ZNF696: variants seen among roughly 807,000 people sequenced by gnomAD.
ZNF696 encodes the protein zinc finger protein 696.
ZNF696 carries 10 observed loss-of-function variants against 12.3 expected under a neutral mutation model. The observed-to-expected ratio is 0.81, with a 90% CI of 0.50 to 1.38. The LOEUF is 1.38. Among genes scored for constraint, ZNF696 ranks in the 40% most tolerant of loss-of-function variants. The pLI is 0.00. For missense variants in ZNF696, 675 were observed against 554.7 expected, an observed-to-expected ratio of 1.22 and a Z score of -2.18; for synonymous variants, 304 against 243.9, an observed-to-expected ratio of 1.25 and a Z score of -2.29.
Position 143,296,578 on chromosome 8 carries a change from C to T in ZNF696, c.903C>T (p.Ala301=). ...TCGCCTGCCAGGACTGCGGCCGCGC[C>T]TTCAGCCGCAGCTCCTTCCTCCGCG... ...RPFACQDCGR[A]FSRSSFLREH... is the part of the protein sequence containing the mutation. Residue 301 remains alanine, a synonymous_variant, in exon 3 of 3, where the codon GCC becomes GCT. Transcript: ENST00000330143. The T allele has an allele frequency of 6.3e-7, 1 of 1,593,758 alleles. No individual in the cohort carries two copies. The highest frequency in any genetic ancestry group is 8.5e-7 in the Non-Finnish European group (1 of 1,174,968).
At position 143,296,230 on chromosome 8, in the gene ZNF696, G is replaced by C. The variant is rs569378410; in HGVS notation, c.555G>C (p.Glu185Asp). 1.9e-6 allele frequency: 3 copies of C among 1,595,388 alleles called. No homozygotes were observed. The highest frequency in any genetic ancestry group is 1.3e-5 in the African/African-American group (1 of 74,450). Residue 185 changes from glutamate to aspartate, a missense_variant, in exon 3 of 3, where the codon GAG (glutamate) becomes GAC (aspartate). Glu to Asp is a conservative substitution (Grantham distance 45). Transcript: ENST00000330143. Reference sequence around the variant, plus strand: ...GGGAGAGGCCCTACGCGTGCGCCGAGTGCGGCAAGGCCTTCGGCCAGAGCT... The same window carrying C: ...GGGAGAGGCCCTACGCGTGCGCCGACTGCGGCAAGGCCTTCGGCCAGAGCT... ...HSGERPYACA[E>D]CGKAFGQSFN... is the part of the protein sequence containing the mutation.
In ZNF696 at chr8:143,296,613, G is replaced by A; in HGVS notation, c.938G>A (p.Arg313His). 6.3e-7 allele frequency: 1 copy of A among 1,586,100 alleles called. No individual in the cohort carries two copies. Among genetic ancestry groups the A allele is most frequent in the African/African-American group, 1.3e-5 (1 of 74,372 alleles). Reference sequence around the variant, plus strand: ...AGCTCCTTCCTCCGCGAGCACCGCCGCATCCACACCGGGGAGAAGCCCCAC... The same window carrying A: ...AGCTCCTTCCTCCGCGAGCACCGCCACATCCACACCGGGGAGAAGCCCCAC... ...SRSSFLREHR[R>H]IHTGEKPHQC... Residue 313 changes from arginine to histidine, a missense_variant, in exon 3 of 3, where the codon CGC becomes CAC. Coordinates refer to ENST00000330143, the MANE Select transcript of ZNF696 (RefSeq NM_030895.3).
intron 2 of ZNF696, among the ~76,000 whole-genome samples, chr8:143,293,629 A>G (rs1815661013): frequency 6.6e-6 from 1 of 152,230 alleles, no homozygotes; most frequent in Non-Finnish European, 1.5e-5. Context: ...GATTGCCTCC[A>G]TCGGAAAGGC....
Position 143,296,897 on chromosome 8 carries a change from C to G in ZNF696, c.*97C>G. The G allele has an allele frequency of 8.6e-7, 1 of 1,162,040 alleles. No individual in the cohort carries two copies. The highest frequency in any genetic ancestry group is 4.1e-5 in the Admixed American group (1 of 24,154). 72.0% of individuals were successfully genotyped at this position (1,162,040 alleles called of 1,614,324 possible). A position where few individuals can be genotyped will look rare whatever the true frequency, so the allele number is the denominator to read the frequency against. On this transcript the variant is annotated 3_prime_UTR_variant, in exon 3 of 3. Coordinates refer to ENST00000330143, the MANE Select transcript of ZNF696 (RefSeq NM_030895.3). ...CGCCCCGTGCGCGGTGAGGAAGTAA[C>G]AGCCGGCTGCGCGCCTGGTTCTCGG...
chr8:143,293,049 G>A lies in ZNF696; in HGVS notation c.48G>A (p.Leu16=), dbSNP rs1563743462. The change falls in exon 2 of 3, where the codon CTG becomes CTA. Residue 16 remains leucine (L), a synonymous_variant. Transcript: ENST00000330143. The part of the protein sequence containing the change: ...EPTGAKESST[L]MESLAAVKAA... The stretch of plus-strand genomic sequence containing the variant: ...CAGGTGCTAAAGAGAGCAGTACCCT[G>A]ATGGAGTCCCTTGCAGGTGAGGGGA... 2 of 1,614,018 alleles carry A rather than the reference G, an allele frequency of 1.2e-6. No homozygotes were observed. The highest frequency in any genetic ancestry group is 2.2e-5 in the South Asian group (2 of 91,050).
chr8:143,292,913 C>A, intron 1 of ZNF696, 59 bp from the exon 2 acceptor site: 2 of 1,472,622 alleles, frequency 1.4e-6, no homozygotes, highest in East Asian at 2.4e-5. Flanking sequence ...CCTCACTGCC[C>A]CTGGCCCCTG....
Position 143,296,190 on chromosome 8 carries a change from A to C in ZNF696, c.515A>C (p.Gln172Pro), listed in dbSNP as rs536397793. The C allele has an allele frequency of 1.6e-5, 26 of 1,599,830 alleles. No individual in the cohort carries two copies. The South Asian group carries it at 2.0e-4, about 12-fold the overall frequency. ...FIHSSHVVRH[Q>P]RAHSGERPYA... ...CACAGCTCGCACGTGGTCCGGCACCAGCGGGCGCACAGCGGGGAGAGGCCC... is the reference window on the plus strand; with the variant it reads ...CACAGCTCGCACGTGGTCCGGCACCCGCGGGCGCACAGCGGGGAGAGGCCC... Residue 172 changes from glutamine (Q) to proline (P), a missense_variant, in exon 3 of 3, where the codon CAG becomes CCG. By Grantham distance (76) the Gln-to-Pro change is moderately conservative. Coordinates refer to ENST00000330143, the MANE Select transcript of ZNF696 (RefSeq NM_030895.3).
In ZNF696 at chr8:143,296,733, A is replaced by C. The variant is rs1420867631; in HGVS notation, c.1058A>C (p.Glu353Ala). The C allele has an allele frequency of 6.6e-7, 1 of 1,518,474 alleles. No homozygotes were observed. The highest frequency in any genetic ancestry group is 8.7e-7 in the Non-Finnish European group (1 of 1,143,358). The allele number at this position is 1,518,474 out of a possible 1,614,324, so 94.1% of individuals were successfully genotyped here. Residue 353 changes from glutamate (E) to alanine (A), a missense_variant, in exon 3 of 3, where the codon GAG becomes GCG. Coordinates refer to ENST00000330143, the MANE Select transcript of ZNF696 (RefSeq NM_030895.3). ...GGCGAGAAGCCGTTCCGCTGCACCGAGTGCGGCCGCGCCTTCCGCCTGAGC... is the reference window on the plus strand; with the variant it reads ...GGCGAGAAGCCGTTCCGCTGCACCGCGTGCGGCCGCGCCTTCCGCCTGAGC... The part of the protein sequence containing the change: ...HTGEKPFRCT[E>A]CGRAFRLSFH...
chr8:143,294,372 C>T (rs1426443776), intron 2 of ZNF696, among the ~76,000 whole-genome samples: 8 of 149,958 alleles, frequency 5.3e-5, no homozygotes, highest in Admixed American at 4.1e-4. Context: ...AGCTCTTGTT[C>T]CGGATTTCTT....
intron 1 of ZNF696, 36 bp from the exon 2 acceptor site, chr8:143,292,936 G>A: frequency 6.4e-7 from 1 of 1,574,012 alleles, no homozygotes; most frequent in East Asian, 2.3e-5. Context: ...CCTAGCCCTG[G>A]CTGTGATTTA....
chr8:143,299,461 T>C lies in ZNF696; in HGVS notation c.*2661T>C, dbSNP rs936919519. ...ACCAGTCTATACATCTCTAATCCAA[T>C]AAAAAGAATAAAACACTGTGATTTA... On this transcript the variant is annotated 3_prime_UTR_variant, in exon 3 of 3. Transcript: ENST00000330143. Among the ~76,000 whole-genome samples the C allele has an allele frequency of 2.0e-5, 3 of 151,956 alleles. No homozygotes were observed. The highest frequency in any genetic ancestry group is 2.0e-4 in the Admixed American group (3 of 15,250).
chr8:143,291,755 C>G lies in ZNF696; in HGVS notation c.-43C>G. On this transcript the variant is annotated 5_prime_UTR_variant, in exon 1 of 3. Coordinates refer to ENST00000330143, the MANE Select transcript of ZNF696 (RefSeq NM_030895.3). Reference sequence around the variant, plus strand: ...AGCTGTGAACAGGAGGGCCTGTTCCCTAATTCTTGCCGGTAAGGTACTTGC... The same window carrying G: ...AGCTGTGAACAGGAGGGCCTGTTCCGTAATTCTTGCCGGTAAGGTACTTGC... The G allele has an allele frequency of 2.0e-6, 2 of 985,480 alleles. No individual in the cohort carries two copies. The highest frequency in any genetic ancestry group is 2.4e-6 in the Non-Finnish European group (2 of 829,936). The allele number at this position is 985,480 out of a possible 1,614,324, so 61.0% of individuals were successfully genotyped here.
In ZNF696 at chr8:143,298,911, A is replaced by G. The variant is rs1272436283; in HGVS notation, c.*2111A>G. 6.6e-6 allele frequency among the ~76,000 whole-genome samples: 1 copy of G among 152,218 alleles called. No individual in the cohort carries two copies. The highest frequency in any genetic ancestry group is 1.5e-5 in the Non-Finnish European group (1 of 68,040). On this transcript the variant is annotated 3_prime_UTR_variant, in exon 3 of 3. Coordinates refer to ENST00000330143, the MANE Select transcript of ZNF696 (RefSeq NM_030895.3). The stretch of plus-strand genomic sequence containing the variant: ...CACGGTGGCTCACGCCTGTAATTCC[A>G]GCACTTTGGGAGGCTGAGGCAGTGG...
chr8:143,294,974 G>C (rs567643652), intron 2 of ZNF696, among the ~76,000 whole-genome samples: 2 of 152,084 alleles, frequency 1.3e-5, no homozygotes, highest in Non-Finnish European at 2.9e-5. Context: ...CTGGAGGTGC[G>C]CCACCTACTT....
chr8:143,297,965 T>G lies in ZNF696; in HGVS notation c.*1165T>G, dbSNP rs1457933627. 2 of 152,228 alleles carry G rather than the reference T, an allele frequency of 1.3e-5. No homozygotes were observed. The highest frequency in any genetic ancestry group is 2.9e-5 in the Non-Finnish European group (2 of 68,054). The allele number at this position is 152,228 out of a possible 1,614,324, so 9.4% of individuals were successfully genotyped here. ...ACAAATGTTATTTCCTGTAAAATAT[T>G]TTCATTTTTTAAAATGTTATTTTCT... is the stretch of plus-strand genomic sequence containing the variant. On this transcript the variant is annotated 3_prime_UTR_variant, in exon 3 of 3. Transcript: ENST00000330143.
Position 143,296,794 on chromosome 8 carries a change from C to A in ZNF696, c.1119C>A (p.Ala373=). 7.1e-7 allele frequency: 1 copy of A among 1,406,260 alleles called. No individual in the cohort carries two copies. Among genetic ancestry groups the A allele is most frequent in the Non-Finnish European group, 9.2e-7 (1 of 1,087,920 alleles). The allele number at this position is 1,406,260 out of a possible 1,614,324, so 87.1% of individuals were successfully genotyped here. A position where few individuals can be genotyped will look rare whatever the true frequency, so the allele number is the denominator to read the frequency against. Residue 373 remains alanine (A), a synonymous_variant, in exon 3 of 3, where the codon GCC becomes GCA. Transcript: ENST00000330143. The part of the protein sequence containing the change: ...HLIQHRRVHG[A]E ...TCCAGCACCGGCGGGTGCATGGCGC[C>A]GAGTGAGCCGGGGCTGCGGCGGAAG...
In ZNF696 at chr8:143,297,152, T is replaced by A; in HGVS notation, c.*352T>A. 6.1e-6 allele frequency: 1 copy of A among 163,374 alleles called. No individual in the cohort carries two copies. Among genetic ancestry groups the A allele is most frequent in the Non-Finnish European group, 1.3e-5 (1 of 78,058 alleles). The allele number at this position is 163,374 out of a possible 1,614,324, so 10.1% of individuals were successfully genotyped here. A position where few individuals can be genotyped will look rare whatever the true frequency, so the allele number is the denominator to read the frequency against. On this transcript the variant is annotated 3_prime_UTR_variant, in exon 3 of 3. Transcript: ENST00000330143. The stretch of plus-strand genomic sequence containing the variant: ...TCGGTCATTCCTCCGCAACCAGGCC[T>A]CCATCAAAACCCTGCATGAGATGAG...
Position 143,298,215 on chromosome 8 carries a change from T to G in ZNF696, c.*1415T>G, listed in dbSNP as rs900647155. On this transcript the variant is annotated 3_prime_UTR_variant, in exon 3 of 3. Coordinates refer to ENST00000330143, the MANE Select transcript of ZNF696 (RefSeq NM_030895.3). Reference sequence around the variant, plus strand: ...TGCAGTTCTCTGCCCAGGTAAGGACTAATTGGGAAGAATTCTGGGTCCTGA... The same window carrying G: ...TGCAGTTCTCTGCCCAGGTAAGGACGAATTGGGAAGAATTCTGGGTCCTGA... 5.9e-5 allele frequency among the ~76,000 whole-genome samples: 9 copies of G among 152,292 alleles called. No individual in the cohort carries two copies. Among genetic ancestry groups the G allele is most frequent in the African/African-American group, 2.2e-4 (9 of 41,556 alleles).
rs199744108 is a variant in ZNF696 at position 143,296,143 on chromosome 8, C to A, written c.468C>A (p.Ser156Arg). The change falls in exon 3 of 3, where the codon AGC (serine) becomes AGA (arginine). Residue 156 changes from serine to arginine, a missense_variant. Transcript: ENST00000330143. ...CGGGGGAGAAACCGTACGAGTGCAG[C>A]GACTGCGGGAAGGCCTTCATCCACA... ...IHSGEKPYEC[S>R]DCGKAFIHSS... 3.5e-5 allele frequency: 56 copies of A among 1,609,284 alleles called. No individual in the cohort carries two copies. In the East Asian group the frequency reaches 1.1e-3, roughly 31 times the overall value.
Sources: allele counts gnomAD v4.1 joint callset (sites outside exome capture counted in the v4.1 genomes callset), GRCh38; gene constraint gnomAD v4.1.1; transcripts MANE v1.5; gene names NCBI Gene and HGNC (gene_info 2026-07-23, HGNC 2026-07-21).